RFTN1: variants seen among roughly 807,000 people sequenced by gnomAD.
RFTN1 encodes the protein raftlin, lipid raft linker 1.
A neutral mutation model predicts 46.5 loss-of-function variants in RFTN1; 26 were observed. The ratio of observed to expected loss-of-function variants is 0.56; its 90% CI spans 0.41 to 0.78. The LOEUF is 0.78. Ranked by LOEUF, RFTN1 falls within the 30% of genes least tolerant of loss-of-function variation. The probability of loss-of-function intolerance (pLI) is 0.00; values close to 1 mark genes in which losing one functional copy is unlikely to be tolerated. For synonymous variants in RFTN1, 261 were observed against 284.2 expected (o/e 0.92, Z 0.82); for missense variants, 693 against 718.7 (o/e 0.96, Z 0.41).
intron 2 of RFTN1, among the ~76,000 whole-genome samples, chr3:16,461,646 G>C (rs1015272449): frequency 2.0e-5 from 3 of 152,306 alleles, no homozygotes; most frequent in African/African-American, 4.8e-5. Context: ...AAGGGAGGCA[G>C]ACCAAATTAC....
chr3:16,401,588 C>T (rs940365281), intron 4 of RFTN1, among the ~76,000 whole-genome samples: 1 of 152,186 alleles, frequency 6.6e-6, no homozygotes, highest in African/African-American at 2.4e-5. Context: ...TAACATCACA[C>T]TCTTCTGTTC....
chr3:16,400,006 A>C lies in RFTN1; in HGVS notation c.441+9369T>G, dbSNP rs1047732934. Among the ~76,000 whole-genome samples, 2 of 152,154 alleles carry C rather than the reference A, an allele frequency of 1.3e-5. No homozygotes were observed. Among genetic ancestry groups the C allele is most frequent in the Admixed American group, 6.5e-5 (1 of 15,280 alleles). ...AGGGTCCTAACCACACCCACTCTTGACCCAGAAGCCAGTCACTAACCTGCA... is the reference window on the plus strand; with the variant it reads ...AGGGTCCTAACCACACCCACTCTTGCCCCAGAAGCCAGTCACTAACCTGCA... On this transcript the variant is annotated intron_variant, in intron 4 of 9. Coordinates refer to ENST00000334133, the MANE Select transcript of RFTN1 (RefSeq NM_015150.2). This position sits in a 1 kb window ranked among gnomAD's most constrained non-coding sequence, Gnocchi z 4.5.
intron 5 of RFTN1, among the ~76,000 whole-genome samples, chr3:16,373,412 G>T (rs2073607233): frequency 6.6e-6 from 1 of 152,224 alleles, no homozygotes; most frequent in Non-Finnish European, 1.5e-5. Flanking sequence ...AAGGGTGGGG[G>T]TGGCTGAGTC....
chr3:16,461,170 T>C (rs1191296435), intron 2 of RFTN1, among the ~76,000 whole-genome samples: 3 of 152,326 alleles, frequency 2.0e-5, no homozygotes, highest in African/African-American at 7.2e-5. Context: ...TCTAATTTTC[T>C]TTTGACCATC....
rs1215287938 is a variant in RFTN1, at chr3:16,507,966, C to T, written c.-9+5476G>A. Among the ~76,000 whole-genome samples the T allele has an allele frequency of 6.6e-6, 1 of 152,150 alleles. No individual in the cohort carries two copies. Among genetic ancestry groups the T allele is most frequent in the Non-Finnish European group, 1.5e-5 (1 of 68,022 alleles). The stretch of plus-strand genomic sequence containing the variant: ...CACGACGGGACATTTCAGGTGTAAA[C>T]GCCAGAGAAAGTTGTCAGTGAGGTG... On this transcript the variant is annotated intron_variant, in intron 1 of 9. Coordinates refer to ENST00000334133, the MANE Select transcript of RFTN1 (RefSeq NM_015150.2). The surrounding 1 kb of genome is among the most constrained non-coding windows in gnomAD (Gnocchi z 7.1).
chr3:16,362,438 C>T (rs755919424), intron 6 of RFTN1, among the ~76,000 whole-genome samples: 4 of 152,170 alleles, frequency 2.6e-5, no homozygotes, highest in Admixed American at 6.5e-5. Context: ...ATTTTGGGGT[C>T]CAAGGTGAGT....
chr3:16,335,121 C>T lies in RFTN1; in HGVS notation c.1147-8245G>A, dbSNP rs147487560. ...CAACAAATGTAAGACAATAAACTTG[C>T]GTTGTTTTAAGTCACTAAATCTGTG... On this transcript the variant is annotated intron_variant, in intron 7 of 9. Transcript: ENST00000334133. The surrounding 1 kb of genome is among the most constrained non-coding windows in gnomAD (Gnocchi z 4.7). Among the ~76,000 whole-genome samples the T allele has an allele frequency of 4.6e-4, 70 of 152,332 alleles. No individual in the cohort carries two copies. Among genetic ancestry groups the T allele is most frequent in the Non-Finnish European group, 7.1e-4 (48 of 68,038 alleles).
In RFTN1 at chr3:16,361,476, G is replaced by A. The variant is rs2072828533; in HGVS notation, c.1031-3429C>T. Among the ~76,000 whole-genome samples, 1 of 152,058 alleles carries A rather than the reference G, an allele frequency of 6.6e-6. No homozygotes were observed. The highest frequency in any genetic ancestry group is 1.5e-5 in the Non-Finnish European group (1 of 67,990). On this transcript the variant is annotated intron_variant, in intron 6 of 9. Coordinates refer to ENST00000334133, the MANE Select transcript of RFTN1 (RefSeq NM_015150.2). This position sits in a 1 kb window ranked among gnomAD's most constrained non-coding sequence, Gnocchi z 4.3. ...TGGGCCAAGGGGAGAGTGTGAAGGT[G>A]GACACAGTGGTGGTGGCTATTTTTG...
rs2076148242 is a variant in RFTN1, at chr3:16,468,990, C to T, written c.145+24735G>A. On this transcript the variant is annotated intron_variant, in intron 2 of 9. Coordinates refer to ENST00000334133, the MANE Select transcript of RFTN1 (RefSeq NM_015150.2). This position sits in a 1 kb window ranked among gnomAD's most constrained non-coding sequence, Gnocchi z 4.4. ...TGCCTGAATCGCATCTGACACTGGC[C>T]ACTAAGGTGGAGTTTCCTTTGGCCA... Among the ~76,000 whole-genome samples the T allele has an allele frequency of 6.6e-6, 1 of 152,386 alleles. No homozygotes were observed. The highest frequency in any genetic ancestry group is 1.9e-4 in the East Asian group (1 of 5,192).
chr3:16,453,474 C>T (rs2124911639), intron 2 of RFTN1, among the ~76,000 whole-genome samples: 1 of 152,330 alleles, frequency 6.6e-6, no homozygotes. Flanking sequence ...CTCCTTGCTT[C>T]TACACAGTTG....
At chr3:16,436,114 T>G (rs539862689) in intron 2 of RFTN1, among the ~76,000 whole-genome samples, 2 of 151,884 alleles carry the variant, frequency 1.3e-5, no homozygotes, top group South Asian at 4.1e-4. Flanking sequence ...AACTTATATT[T>G]ATCTTATTAT....
chr3:16,476,723 A>G (rs548801781), intron 2 of RFTN1, among the ~76,000 whole-genome samples: 1 of 152,318 alleles, frequency 6.6e-6, no homozygotes, highest in Admixed American at 6.5e-5. Flanking sequence ...GAGCAATGCC[A>G]CAGTCGAAGG....
rs1035752455 is a variant in RFTN1 at position 16,377,950 on chromosome 3, C to T, written c.594G>A (p.Ala198=). Residue 198 remains alanine, a synonymous_variant, in exon 5 of 10, where the codon GCG becomes GCA. Coordinates refer to ENST00000334133, the MANE Select transcript of RFTN1 (RefSeq NM_015150.2). ...TCCCCGGTTTCTCATTCTCCAGTGACGCGTGATCCCCACGTGCGTTTTTTG... is the reference window on the plus strand; with the variant it reads ...TCCCCGGTTTCTCATTCTCCAGTGATGCGTGATCCCCACGTGCGTTTTTTG... The part of the protein sequence containing the change: ...RDAKNARGDH[A]SLENEKPGTG... The T allele has an allele frequency of 2.6e-5, 42 of 1,614,228 alleles. 2 individuals carry two copies. Among genetic ancestry groups the T allele is most frequent in the Admixed American group, 1.0e-4 (6 of 60,028 alleles).
rs370820242 is a variant in RFTN1 at position 16,345,788 on chromosome 3, CTGTGTGTGTGTGTGTG to C, written c.1146+12128_1146+12143del. Reference sequence around the variant, plus strand: ...TGAGCCAAAACCTTATAATAAATCTCTGTGTGTGTGTGTGTGTGTGTGTGTGTGTGCGCGCGCGCGT... The same window carrying C: ...TGAGCCAAAACCTTATAATAAATCTCTGTGTGTGTGTGTGCGCGCGCGCGT... On this transcript the variant is annotated intron_variant, in intron 7 of 9. Transcript: ENST00000334133. The surrounding 1 kb of genome is among the most constrained non-coding windows in gnomAD (Gnocchi z 5.2). 3.9e-5 allele frequency among the ~76,000 whole-genome samples: 5 copies of C among 127,174 alleles called. No homozygotes were observed. The highest frequency in any genetic ancestry group is 8.5e-5 in the Non-Finnish European group (5 of 58,644). The allele number at this position is 127,174 out of a possible 152,430, so 83.4% of individuals were successfully genotyped here.
chr3:16,359,606 G>A (rs2125336620), intron 6 of RFTN1, among the ~76,000 whole-genome samples: 1 of 152,300 alleles, frequency 6.6e-6, no homozygotes, highest in East Asian at 1.9e-4. Context: ...GCCAGGAAGA[G>A]AGCCCTAGCC....
In RFTN1 at chr3:16,358,091, C is replaced by T. The variant is rs201326902; in HGVS notation, c.1031-44G>A. ...GCGGGGGTGGGGGGGGTCTGTAAAC[C>T]GTCTGTGGCAGAAGTCTTCTAAGCA... On this transcript the variant is annotated intron_variant, in intron 6 of 9. Transcript: ENST00000334133. 3.9e-4 allele frequency: 416 copies of T among 1,067,494 alleles called. 8 individuals carry two copies. In the Middle Eastern group the frequency reaches 0.018, roughly 45 times the overall value. The allele number at this position is 1,067,494 out of a possible 1,614,324, so 66.1% of individuals were successfully genotyped here.
intron 2 of RFTN1, among the ~76,000 whole-genome samples, chr3:16,486,977 A>AC (rs946158968): frequency 2.4e-4 from 37 of 151,726 alleles, no homozygotes; most frequent in African/African-American, 6.5e-4. Flanking sequence ...CTTCCCCCCA[A>AC]CCCCCGTCTT....
intron 2 of RFTN1, chr3:16,482,880 C>T (rs993756984): frequency 7.3e-6 from 11 of 1,513,272 alleles, no homozygotes; most frequent in Non-Finnish European, 8.0e-6. Context: ...AGCCTCCCAC[C>T]GGGGTGAGCT....
intron 2 of RFTN1, among the ~76,000 whole-genome samples, chr3:16,437,457 G>A (rs2075537496): frequency 6.6e-6 from 1 of 152,052 alleles, no homozygotes. Flanking sequence ...CCAGGAGTTT[G>A]AGACTAGCCT....
Sources: gnomAD v4.1 joint callset for allele counts (sites outside exome capture counted in the v4.1 genomes callset) on GRCh38, gnomAD v4.1.1 for gene constraint, Gnocchi (gnomAD v3.1) non-coding constraint, MANE v1.5 for transcripts, NCBI Gene and HGNC (gene_info 2026-07-23, HGNC 2026-07-21) for gene names.